The following EGFLAM variants were observed in gnomAD, a reference collection of about 807,000 sequenced individuals.
EGFLAM encodes pikachurin.
EGFLAM carries 79 observed loss-of-function variants against 113.1 expected under a neutral mutation model. The ratio of observed to expected loss-of-function variants is 0.70; its 90% CI spans 0.58 to 0.84. The LOEUF is 0.84. Among genes scored for constraint, EGFLAM ranks in the 40% least tolerant of loss-of-function variants. EGFLAM has a pLI of 0.00. For synonymous variants in EGFLAM, 504 were observed against 487.6 expected (o/e 1.03, Z -0.44); for missense variants, 1,265 against 1,291.6 (o/e 0.98, Z 0.32).
chr5:38,387,933 C>T (rs1740708115), intron 6 of EGFLAM, among the ~76,000 whole-genome samples: 1 of 152,170 alleles, frequency 6.6e-6, no homozygotes. Flanking sequence ...CTGTCTTTGC[C>T]TGACCTTATA....
intron 1 of EGFLAM, among the ~76,000 whole-genome samples, chr5:38,288,667 T>C (rs905292030): frequency 1.3e-5 from 2 of 152,204 alleles, no homozygotes; most frequent in Non-Finnish European, 2.9e-5. Flanking sequence ...TAATGAAGCT[T>C]AGGACAGACT....
intron 3 of EGFLAM, among the ~76,000 whole-genome samples, chr5:38,349,823 C>T (rs372684223): frequency 5.7e-5 from 7 of 123,602 alleles, no homozygotes; most frequent in Admixed American, 2.6e-4. Context: ...TTAAGAAAGT[C>T]TTCCTGGTGA....
chr5:38,327,514 T>G (rs749486697), intron 1 of EGFLAM, among the ~76,000 whole-genome samples: 5 of 152,240 alleles, frequency 3.3e-5, no homozygotes, highest in Non-Finnish European at 5.9e-5. Flanking sequence ...ATGAACATAT[T>G]AAATAACTGT....
intron 17 of EGFLAM, among the ~76,000 whole-genome samples, chr5:38,442,797 TA>T (rs1223408978): frequency 7.4e-5 from 11 of 149,298 alleles, no homozygotes; most frequent in South Asian, 2.1e-4. Flanking sequence ...GTGACAACAT[TA>T]AAAAAAAAAT....
chr5:38,370,506 C>A (rs749025410), intron 6 of EGFLAM, 44 bp downstream of exon 6: 2 of 1,585,294 alleles, frequency 1.3e-6, no homozygotes, highest in Admixed American at 3.5e-5. Context: ...AGCTGCATAT[C>A]TGGGCTTGCC....
Position 38,453,402 on chromosome 5 carries a change from A to G in EGFLAM, c.2687+1944A>G, listed in dbSNP as rs1561103759. On this transcript the variant is annotated intron_variant, in intron 19 of 21. Transcript: ENST00000322350. ...CCTGTGCTAAGATTACTGACAGCCC[A>G]AGTAGGATAACAGAAATCTTTCTGT... is the stretch of plus-strand genomic sequence containing the variant. Among the ~76,000 whole-genome samples, 3 of 152,250 alleles carry G rather than the reference A, an allele frequency of 2.0e-5. No individual in the cohort carries two copies. In the South Asian group the frequency reaches 6.2e-4, roughly 31 times the overall value.
At chr5:38,421,875 G>A (rs1471795198) in intron 12 of EGFLAM, among the ~76,000 whole-genome samples, 1 of 152,078 alleles carries the variant, frequency 6.6e-6, no homozygotes, top group Admixed American at 6.6e-5. Flanking sequence ...AGGGGGAGAT[G>A]GGTGCCATGA....
chr5:38,376,230 T>C (rs890614389), intron 6 of EGFLAM, among the ~76,000 whole-genome samples: 4 of 152,116 alleles, frequency 2.6e-5, no homozygotes, highest in African/African-American at 9.7e-5. Flanking sequence ...TTTCATCAAG[T>C]AGAATGAAAG....
chr5:38,386,686 T>C (rs895933130), intron 6 of EGFLAM, among the ~76,000 whole-genome samples: 17 of 152,112 alleles, frequency 1.1e-4, no homozygotes, highest in Non-Finnish European at 2.2e-4. Context: ...TTTGTATTTT[T>C]AGTAGAGACG....
chr5:38,317,574 G>A (rs930111434), intron 1 of EGFLAM, among the ~76,000 whole-genome samples: 3 of 152,132 alleles, frequency 2.0e-5, no homozygotes, highest in Admixed American at 2.0e-4. Flanking sequence ...TCATATCCCA[G>A]AACCATGAGT....
At chr5:38,263,190 G>A (rs756374509) in intron 1 of EGFLAM, among the ~76,000 whole-genome samples, 1 of 152,222 alleles carries the variant, frequency 6.6e-6, no homozygotes, top group Non-Finnish European at 1.5e-5. Flanking sequence ...TGCCGGGCAT[G>A]GTGGCCCATG....
chr5:38,461,727 G>T (rs2112296261), intron 20 of EGFLAM, among the ~76,000 whole-genome samples: 1 of 152,248 alleles, frequency 6.6e-6, no homozygotes, highest in African/African-American at 2.4e-5. Flanking sequence ...TGCTATAGAA[G>T]CAAATGTATT....
rs759256149 is a variant in EGFLAM at position 38,464,091 on chromosome 5, T to C, written c.*105T>C. The C allele has an allele frequency of 1.9e-5, 27 of 1,426,718 alleles. No homozygotes were observed. Among genetic ancestry groups the C allele is most frequent in the Non-Finnish European group, 2.3e-5 (24 of 1,053,570 alleles). 88.4% of individuals were successfully genotyped at this position (1,426,718 alleles called of 1,614,324 possible). A position where few individuals can be genotyped will look rare whatever the true frequency, so the allele number is the denominator to read the frequency against. On this transcript the variant is annotated 3_prime_UTR_variant, in exon 22 of 22. Transcript: ENST00000322350. ...TGCAGAGGCCCAGGGACCAGGTGTG[T>C]TTCCTCTCACCAAGAAGAAAGTACA...
At chr5:38,330,603 CTG>C (rs1413396759) in intron 1 of EGFLAM, among the ~76,000 whole-genome samples, 1 of 152,182 alleles carries the variant, frequency 6.6e-6, no homozygotes, top group Admixed American at 6.5e-5. Flanking sequence ...TTTCTATTTT[CTG>C]TACTGAACCA....
chr5:38,320,636 A>G (rs1413065358), intron 1 of EGFLAM, among the ~76,000 whole-genome samples: 3 of 151,918 alleles, frequency 2.0e-5, no homozygotes, highest in South Asian at 2.1e-4. Context: ...GTGTGTGTGT[A>G]TATGTGTGGT....
chr5:38,390,602 A>T (rs1158244252), intron 6 of EGFLAM, among the ~76,000 whole-genome samples: 1 of 151,876 alleles, frequency 6.6e-6, no homozygotes, highest in African/African-American at 2.4e-5. Flanking sequence ...TGCTATCTTC[A>T]CTCCTGCTGA....
chr5:38,272,391 G>T (rs1757785007), intron 1 of EGFLAM, among the ~76,000 whole-genome samples: 1 of 152,188 alleles, frequency 6.6e-6, no homozygotes, highest in Non-Finnish European at 1.5e-5. Flanking sequence ...AAAACCAAAG[G>T]AAAGAGAGGC....
At chr5:38,349,952 TAC>T (rs60439871) in intron 3 of EGFLAM, among the ~76,000 whole-genome samples, 55,081 of 143,644 alleles carry the variant, frequency 0.38, 11,757 homozygotes, top group Admixed American at 0.5. Context: ...GCAGGGGAAG[TAC>T]ACACACACAC....
chr5:38,285,029 A>G (rs562065908), intron 1 of EGFLAM, among the ~76,000 whole-genome samples: 3 of 152,356 alleles, frequency 2.0e-5, no homozygotes, highest in East Asian at 3.9e-4. Context: ...ATATAATTAC[A>G]GTAGAAACTC....
Sources: gnomAD v4.1 joint callset for allele counts (sites outside exome capture counted in the v4.1 genomes callset) on GRCh38, gnomAD v4.1.1 for gene constraint, MANE v1.5 for transcripts, NCBI Gene and HGNC (gene_info 2026-07-23, HGNC 2026-07-21) for gene names.